PCGF5: variants seen among roughly 807,000 people sequenced by gnomAD.
PCGF5 encodes polycomb group ring finger 5, also known as polycomb group RING finger protein 5.
In PCGF5, 9 loss-of-function variants were observed where a neutral mutation model predicts 44.3. That is an observed-to-expected ratio of 0.20 (90% CI 0.12 to 0.35). PCGF5 has a LOEUF of 0.35. Among genes scored for constraint, PCGF5 ranks in the 10% least tolerant of loss-of-function variants. The pLI is 1.00. For missense variants in PCGF5, 146 were observed against 305.3 expected, an observed-to-expected ratio of 0.48 and a Z score of 3.89; for synonymous variants, 95 against 102.5, an observed-to-expected ratio of 0.93 and a Z score of 0.44.
intron 1 of PCGF5, among the ~76,000 whole-genome samples, chr10:91,199,634 C>T (rs1844210980): frequency 6.6e-6 from 1 of 152,140 alleles, no homozygotes. Flanking sequence ...AAATATGATG[C>T]AGTATTTTAG....
At chr10:91,191,431 G>A (rs912938989) in intron 1 of PCGF5, among the ~76,000 whole-genome samples, 1 of 152,138 alleles carries the variant, frequency 6.6e-6, no homozygotes, top group Admixed American at 6.5e-5. Context: ...TACTCAGATG[G>A]CACACAATTT....
At chr10:91,262,871 T>A (rs767728581) in intron 7 of PCGF5, among the ~76,000 whole-genome samples, 4 of 152,252 alleles carry the variant, frequency 2.6e-5, no homozygotes, top group Non-Finnish European at 5.9e-5. Context: ...TTTATTTTCT[T>A]CACGCAAAAT....
intron 6 of PCGF5, among the ~76,000 whole-genome samples, chr10:91,260,433 C>T (rs1356007358): frequency 6.6e-6 from 1 of 152,080 alleles, no homozygotes; most frequent in Non-Finnish European, 1.5e-5. Context: ...CTAGAAATAC[C>T]ATTTGACCCA....
upstream of PCGF5, among the ~76,000 whole-genome samples, chr10:91,217,560 A>G (rs1844566824): frequency 6.6e-6 from 1 of 152,232 alleles, no homozygotes; most frequent in Admixed American, 6.5e-5. Flanking sequence ...GTATACAGAT[A>G]GCTCCAAGTA....
chr10:91,227,584 T>G (rs1844880168), intron 2 of PCGF5: 1 of 1,176,926 alleles, frequency 8.5e-7, no homozygotes, highest in Non-Finnish European at 1.1e-6. Flanking sequence ...TTATTACATC[T>G]CACCAAAGCC....
intron 1 of PCGF5, among the ~76,000 whole-genome samples, chr10:91,215,128 T>A (rs1037219914): frequency 1.3e-5 from 2 of 152,200 alleles, no homozygotes; most frequent in Non-Finnish European, 2.9e-5. Context: ...AAGTGAAATA[T>A]CATTGTAAGT....
At chr10:91,170,337 C>T (rs2133167091) in intron 1 of PCGF5, among the ~76,000 whole-genome samples, 1 of 152,264 alleles carries the variant, frequency 6.6e-6, no homozygotes, top group Middle Eastern at 3.4e-3. Context: ...AAAGATGAGC[C>T]ACAGACTGGG....
chr10:91,164,578 T>C (rs1446268619), intron 1 of PCGF5, among the ~76,000 whole-genome samples: 1 of 152,182 alleles, frequency 6.6e-6, no homozygotes, highest in Non-Finnish European at 1.5e-5. Context: ...AGAAGACTCC[T>C]TAAGACTAGT....
chr10:91,184,648 G>C (rs1843885028), intron 1 of PCGF5, among the ~76,000 whole-genome samples: 2 of 152,060 alleles, frequency 1.3e-5, no homozygotes, highest in South Asian at 4.2e-4. Context: ...GGCTTTTTGA[G>C]TTTTCAGTGT....
chr10:91,207,300 A>AT (rs548186681), intron 1 of PCGF5, among the ~76,000 whole-genome samples: 1 of 152,140 alleles, frequency 6.6e-6, no homozygotes, highest in African/African-American at 2.4e-5. Flanking sequence ...GATCTTACAC[A>AT]TTTTTTCTAC....
At chr10:91,201,081 G>T (rs911992584) in intron 1 of PCGF5, among the ~76,000 whole-genome samples, 1 of 152,132 alleles carries the variant, frequency 6.6e-6, no homozygotes, top group African/African-American at 2.4e-5. Context: ...GAGAAGAGCT[G>T]CCCACTTAGA....
chr10:91,163,809 C>T lies in PCGF5; in HGVS notation c.-184+728C>T, dbSNP rs1205860100. Among the ~76,000 whole-genome samples, 4 of 139,308 alleles carry T rather than the reference C, an allele frequency of 2.9e-5. No individual in the cohort carries two copies. In the South Asian group the frequency reaches 7.9e-4, roughly 27 times the overall value. 91.4% of individuals were successfully genotyped at this position (139,308 alleles called of 152,430 possible). A position where few individuals can be genotyped will look rare whatever the true frequency, so the allele number is the denominator to read the frequency against. On this transcript the variant is annotated intron_variant, in intron 1 of 9. Transcript: ENST00000614189. ...ACCTGTACGCCCTCCGCGCCCCCTGCGGGCGCTGCCCGCGCGCGTGCCGGG... is the reference window on the plus strand; with the variant it reads ...ACCTGTACGCCCTCCGCGCCCCCTGTGGGCGCTGCCCGCGCGCGTGCCGGG...
intron 2 of PCGF5, among the ~76,000 whole-genome samples, chr10:91,230,074 G>A (rs1448257132): frequency 6.6e-6 from 1 of 152,076 alleles, no homozygotes; most frequent in Non-Finnish European, 1.5e-5. Flanking sequence ...AGTTCGTTTA[G>A]CTTTTGAAAC....
intron 1 of PCGF5, among the ~76,000 whole-genome samples, chr10:91,186,453 T>G (rs1390413237): frequency 6.6e-6 from 1 of 152,136 alleles, no homozygotes; most frequent in African/African-American, 2.4e-5. Context: ...TGAAAGAAAT[T>G]TTGTATACTT....
At chr10:91,231,011 T>C (rs1002034534) in intron 2 of PCGF5, among the ~76,000 whole-genome samples, 1 of 152,022 alleles carries the variant, frequency 6.6e-6, no homozygotes, top group Non-Finnish European at 1.5e-5. Context: ...CAGCCTCCCA[T>C]AGTGCTGGAA....
chr10:91,253,401 TC>T lies in PCGF5; in HGVS notation c.474+1962del, dbSNP rs1265144707. On this transcript the variant is annotated intron_variant, in intron 6 of 9. Transcript: ENST00000336126. ...CTTTATGCAAAGGACTTTTAAGTCC[TC>T]ATTTCCAGCCCTGCTTTGTTTCCCA... Among the ~76,000 whole-genome samples, 4 of 151,964 alleles carry T rather than the reference TC, an allele frequency of 2.6e-5. No homozygotes were observed. In the East Asian group the frequency reaches 7.7e-4, roughly 29 times the overall value.
chr10:91,230,955 G>T (rs531671990), intron 2 of PCGF5, among the ~76,000 whole-genome samples: 1 of 152,120 alleles, frequency 6.6e-6, no homozygotes, highest in African/African-American at 2.4e-5. Context: ...TTACCATGTT[G>T]CCCAGGCTGC....
intron 1 of PCGF5, among the ~76,000 whole-genome samples, chr10:91,191,586 G>C (rs185879634): frequency 1.3e-5 from 2 of 152,298 alleles, no homozygotes; most frequent in East Asian, 3.9e-4. Flanking sequence ...AGGTAATCTA[G>C]TCAGACACAA....
intron 1 of PCGF5, among the ~76,000 whole-genome samples, chr10:91,221,252 C>A (rs1415177087): frequency 6.6e-6 from 1 of 152,192 alleles, no homozygotes; most frequent in African/African-American, 2.4e-5. Context: ...GGTCACAGGG[C>A]TCTGTGCCTT....
Sources: gnomAD v4.1 joint callset for allele counts (sites outside exome capture counted in the v4.1 genomes callset) on GRCh38, gnomAD v4.1.1 for gene constraint, MANE v1.5 for transcripts, NCBI Gene and HGNC (gene_info 2026-07-23, HGNC 2026-07-21) for gene names.